BNC1: variants seen among roughly 807,000 people sequenced by gnomAD.
The protein encoded by BNC1 is zinc finger protein basonuclin-1.
A neutral mutation model predicts 66.5 loss-of-function variants in BNC1; 8 were observed. That is an observed-to-expected ratio of 0.12 (90% CI 0.07 to 0.22). The LOEUF is 0.22. Ranked by LOEUF, BNC1 falls within the 10% of genes least tolerant of loss-of-function variation. The pLI is 1.00. For missense variants in BNC1, 1,069 were observed against 1,241.3 expected, an observed-to-expected ratio of 0.86 and a Z score of 2.09; for synonymous variants, 454 against 452.6, an observed-to-expected ratio of 1.00 and a Z score of -0.04.
chr15:83,277,234 C>G (rs1444418158), intron 1 of BNC1, among the ~76,000 whole-genome samples: 2 of 152,166 alleles, frequency 1.3e-5, no homozygotes, highest in Non-Finnish European at 2.9e-5. Flanking sequence ...CCACCATAAC[C>G]AGCTAATTTT....
intron 1 of BNC1, among the ~76,000 whole-genome samples, chr15:83,281,640 C>T (rs1486068622): frequency 6.6e-6 from 1 of 152,238 alleles, no homozygotes; most frequent in Non-Finnish European, 1.5e-5. Context: ...ATCAAAATTA[C>T]TTCTAAAGCC....
chr15:83,268,590 G>T (rs74028271), intron 1 of BNC1, among the ~76,000 whole-genome samples: 1 of 152,168 alleles, frequency 6.6e-6, no homozygotes, highest in Non-Finnish European at 1.5e-5. Flanking sequence ...AGCAACCCTG[G>T]AAAGTATACA....
chr15:83,267,192 T>A (rs1043527133), intron 2 of BNC1, 121 bp from the exon 3 acceptor site: 3 of 701,900 alleles, frequency 4.3e-6, no homozygotes, highest in Non-Finnish European at 7.2e-6. Context: ...TACATGAATA[T>A]ACAAATGATT....
chr15:83,265,313 C>G (rs1469855305), intron 3 of BNC1, among the ~76,000 whole-genome samples: 1 of 152,206 alleles, frequency 6.6e-6, no homozygotes, highest in African/African-American at 2.4e-5. Context: ...CTGTATTGAT[C>G]TACTGCACAC....
chr15:83,277,120 C>A (rs1290479013), intron 1 of BNC1, among the ~76,000 whole-genome samples: 1 of 152,188 alleles, frequency 6.6e-6, no homozygotes, highest in African/African-American at 2.4e-5. Context: ...TGTTCTGTCA[C>A]CCAGGCTGGA....
At chr15:83,276,365 C>A (rs1482604064) in intron 1 of BNC1, among the ~76,000 whole-genome samples, 1 of 152,128 alleles carries the variant, frequency 6.6e-6, no homozygotes, top group Non-Finnish European at 1.5e-5. Context: ...AACTCCAAAC[C>A]AACACTTAGC....
chr15:83,262,297 C>A (rs1055312655), intron 4 of BNC1, among the ~76,000 whole-genome samples: 2 of 152,038 alleles, frequency 1.3e-5, no homozygotes, highest in South Asian at 2.1e-4. Flanking sequence ...GTGATCTGCC[C>A]GCCCTGGCCT....
rs1164173760 is a variant in BNC1, at chr15:83,264,483, C to T, written c.768G>A (p.Leu256=). The T allele has an allele frequency of 6.2e-7, 1 of 1,614,136 alleles. No individual in the cohort carries two copies. Among genetic ancestry groups the T allele is most frequent in the South Asian group, 1.1e-5 (1 of 91,076 alleles). Residue 256 remains leucine (L), a synonymous_variant, in exon 4 of 5, where the codon CTG becomes CTA. Coordinates refer to ENST00000345382, the MANE Select transcript of BNC1 (RefSeq NM_001717.4). The stretch of plus-strand genomic sequence containing the variant: ...TATATTGTTCGGGCAATGACCCTAT[C>T]AGTGCAGGAGGCAGAGGGTTGAAGA... ...FQFFNPLPPA[L]IGSLPEQYML... is the part of the protein sequence containing the mutation.
At chr15:83,271,150 C>G (rs2038265847) in intron 1 of BNC1, among the ~76,000 whole-genome samples, 1 of 152,070 alleles carries the variant, frequency 6.6e-6, no homozygotes, top group South Asian at 2.1e-4. Context: ...GTGGCATGCA[C>G]CTGTAGACCC....
intron 4 of BNC1, among the ~76,000 whole-genome samples, chr15:83,258,637 A>G (rs2038109740): frequency 1.3e-5 from 2 of 152,180 alleles, no homozygotes; most frequent in South Asian, 4.1e-4. Context: ...AGGACACTGG[A>G]ACCAGGAGAT....
chr15:83,270,179 A>G (rs2038256159), intron 1 of BNC1, among the ~76,000 whole-genome samples: 1 of 152,212 alleles, frequency 6.6e-6, no homozygotes, highest in Admixed American at 6.5e-5. Context: ...TCGAGATACA[A>G]TTCACACATA....
intron 1 of BNC1, among the ~76,000 whole-genome samples, chr15:83,282,001 A>G (rs750545937): frequency 1.3e-5 from 2 of 152,264 alleles, no homozygotes; most frequent in Non-Finnish European, 2.9e-5. Context: ...ATGTTAGTCA[A>G]TATTTCTAAT....
chr15:83,276,161 G>T (rs1369978842), intron 1 of BNC1, among the ~76,000 whole-genome samples: 12 of 152,204 alleles, frequency 7.9e-5, no homozygotes, highest in African/African-American at 2.7e-4. Flanking sequence ...TGGATACACA[G>T]ATGGGGAGCT....
intron 1 of BNC1, among the ~76,000 whole-genome samples, chr15:83,272,981 G>T (rs575203199): frequency 3.3e-5 from 5 of 151,746 alleles, no homozygotes; most frequent in Non-Finnish European, 5.9e-5. Flanking sequence ...AATGCCCTTG[G>T]GGGGGGGCCT....
rs868032493 is a variant in BNC1, at chr15:83,266,853, G to A, written c.418C>T (p.Arg140Cys). 3.1e-6 allele frequency: 5 copies of A among 1,613,874 alleles called. No individual in the cohort carries two copies. The highest frequency in any genetic ancestry group is 1.1e-5 in the South Asian group (1 of 91,066). ...ALDWTLQDYI[R>C]GYVLQDASGK... is the part of the protein sequence containing the mutation. ...TACTGTACCTGCAGTACGTATCCAC[G>A]GATATAATCCTGAAGTGTCCAGTCC... The change falls in exon 3 of 5, where the codon CGT becomes TGT. Residue 140 changes from arginine to cysteine, a missense_variant. Around this residue, in one of 7 missense-constraint regions of BNC1, gnomAD observed 39 missense variants for 89.5 expected, o/e 0.44. Transcript: ENST00000345382.
At chr15:83,283,208 C>T (rs924119899) in intron 1 of BNC1, 17 of 1,535,674 alleles carry the variant, frequency 1.1e-5, no homozygotes, top group East Asian at 2.4e-5. Context: ...GTTTCTACAC[C>T]GCATTTGTGA....
intron 1 of BNC1, among the ~76,000 whole-genome samples, 196 bp downstream of exon 1, chr15:83,284,334 C>A (rs1382061000): frequency 5.3e-5 from 8 of 151,492 alleles, no homozygotes; most frequent in African/African-American, 1.7e-4. Context: ...AGAGCCCCAA[C>A]CCCCCCGCCG....
Position 83,258,093 on chromosome 15 carries a change from T to C in BNC1, c.2334A>G (p.Ala778=), listed in dbSNP as rs140456087. 4.6e-5 allele frequency: 73 copies of C among 1,603,842 alleles called. No individual in the cohort carries two copies. The highest frequency in any genetic ancestry group is 3.7e-4 in the South Asian group (34 of 90,878). The change falls in exon 5 of 5, where the codon GCA becomes GCG. Residue 778 remains alanine (A), a synonymous_variant. Transcript: ENST00000345382. ...HSSNLNLHQK[A]LSQEALESSE... is the part of the protein sequence containing the mutation. Reference sequence around the variant, plus strand: ...TACTCTCCAATGCTTCCTGGCTCAATGCTTTTTGGTGGAGGTTTAGGTTTG... The same window carrying C: ...TACTCTCCAATGCTTCCTGGCTCAACGCTTTTTGGTGGAGGTTTAGGTTTG...
chr15:83,268,097 C>G, intron 2 of BNC1, 36 bp downstream of exon 2: 2 of 1,548,712 alleles, frequency 1.3e-6, no homozygotes, highest in South Asian at 2.2e-5. Flanking sequence ...TTAGAGGTAA[C>G]ACTACAGGCC....
Sources: allele counts gnomAD v4.1 joint callset (sites outside exome capture counted in the v4.1 genomes callset), GRCh38; gene constraint gnomAD v4.1.1; regional missense constraint gnomAD v4.1.1; transcripts MANE v1.5; gene names NCBI Gene and HGNC (gene_info 2026-07-23, HGNC 2026-07-21).